Variants in TEX15 observed in about 807,000 individuals in gnomAD.
TEX15 encodes the protein testis-expressed protein 15.
A neutral mutation model predicts 237.3 loss-of-function variants in TEX15; 171 were observed. The ratio of observed to expected loss-of-function variants is 0.72; its 90% confidence interval spans 0.64 to 0.82. The LOEUF is 0.82. Among genes scored for constraint, TEX15 ranks in the 40% least tolerant of loss-of-function variants. The pLI is 0.00. For synonymous variants in TEX15, 1,338 were observed against 1,269.8 expected (o/e 1.05, Z -1.14); for missense variants, 3,750 against 3,646.5 (o/e 1.03, Z -0.73).
chr8:30,853,919 A>T (rs1261332486), intron 7 of TEX15, among the ~76,000 whole-genome samples: 1 of 152,192 alleles, frequency 6.6e-6, no homozygotes, highest in Non-Finnish European at 1.5e-5. Context: ...GAATTAAAGA[A>T]TAAATCAAAA....
chr8:30,835,106 T>TAA (rs1807261858), intron 10 of TEX15, among the ~76,000 whole-genome samples: 1 of 151,944 alleles, frequency 6.6e-6, no homozygotes, highest in Non-Finnish European at 1.5e-5. Context: ...TCCTCTCTAC[T>TAA]AATATATATA....
chr8:30,853,254 G>A (rs951472248), intron 7 of TEX15, among the ~76,000 whole-genome samples: 1 of 152,144 alleles, frequency 6.6e-6, no homozygotes, highest in African/African-American at 2.4e-5. Flanking sequence ...GTCAAGGAAA[G>A]AGAACACTTG....
chr8:30,894,467 AT>A (rs1808855170), intron 2 of TEX15, among the ~76,000 whole-genome samples: 1 of 152,194 alleles, frequency 6.6e-6, no homozygotes, highest in Non-Finnish European at 1.5e-5. Context: ...CACTATTTCC[AT>A]AACTCATATT....
At position 30,887,184 on chromosome 8, in the gene TEX15, CTGATCTTAGGAATGG is replaced by C. The variant is rs1460717144; in HGVS notation, c.104_118del (p.Thr35_Ile39del). ...AATATTACCTTTCTCAGCTGTCCTC[CTGATCTTAGGAATGG>C]TGAATTTCTTCAAAGGATTGACTTC... On this transcript the variant is annotated inframe_deletion, in exon 3 of 11. Transcript: ENST00000643185. The C allele has an allele frequency of 6.5e-7, 1 of 1,534,076 alleles. No individual in the cohort carries two copies. The highest frequency in any genetic ancestry group is 1.4e-5 in the African/African-American group (1 of 72,942).
intron 2 of TEX15, among the ~76,000 whole-genome samples, chr8:30,889,960 T>TATATATATATATACATATATATATAC (rs1808763167): frequency 6.9e-6 from 1 of 144,990 alleles, no homozygotes; most frequent in Admixed American, 6.9e-5. Flanking sequence ...TATACATATA[T>TATATATATATATACATATATATATAC]ATATATATGT....
intron 5 of TEX15, among the ~76,000 whole-genome samples, chr8:30,865,501 A>G (rs570456056): frequency 2.6e-5 from 4 of 152,208 alleles, no homozygotes; most frequent in Admixed American, 2.6e-4. Context: ...AGACAACGAA[A>G]GAAGCTATGG....
At chr8:30,903,486 A>G (rs1310667060) in intron 1 of TEX15, among the ~76,000 whole-genome samples, 1 of 152,228 alleles carries the variant, frequency 6.6e-6, no homozygotes, top group Non-Finnish European at 1.5e-5. Context: ...GAGAAAGGTG[A>G]GAAACAGCTC....
intron 1 of TEX15, among the ~76,000 whole-genome samples, chr8:30,910,049 T>G (rs891910333): frequency 1.3e-5 from 2 of 152,148 alleles, no homozygotes; most frequent in Non-Finnish European, 2.9e-5. Flanking sequence ...ACCAAAGCAG[T>G]ACATTTACCA....
At position 30,845,126 on chromosome 8, in the gene TEX15, C is replaced by T. The variant is rs759444330; in HGVS notation, c.5041G>A (p.Glu1681Lys). The T allele has an allele frequency of 5.0e-6, 8 of 1,613,322 alleles. No individual in the cohort carries two copies. In the East Asian group the frequency reaches 1.3e-4, roughly 27 times the overall value. ...LILSDCKRNL[E>K]VKWTDPIERP... ...TCAATAGGATCTGTCCACTTTACTT[C>T]CAGGTTTCTTTTACAATCAGATAAA... is the stretch of plus-strand genomic sequence containing the variant. Residue 1681 changes from glutamate to lysine, a missense_variant, in exon 8 of 11, where the codon GAA (glutamate) becomes AAA (lysine). Physicochemically the swap from Glu to Lys is moderately conservative, Grantham distance 56. Coordinates refer to ENST00000643185, the MANE Select transcript of TEX15 (RefSeq NM_001350162.2).
intron 7 of TEX15, among the ~76,000 whole-genome samples, chr8:30,852,328 C>T (rs999449437): frequency 2.0e-5 from 3 of 151,782 alleles, no homozygotes; most frequent in Non-Finnish European, 2.9e-5. Flanking sequence ...CTCCTGAAGT[C>T]GTGATCCGCC....
At chr8:30,850,140 A>G (rs1354847013) in intron 7 of TEX15, among the ~76,000 whole-genome samples, 4 of 152,156 alleles carry the variant, frequency 2.6e-5, no homozygotes, top group Admixed American at 1.3e-4. Flanking sequence ...GAAAACCCAA[A>G]AAGTTCCATA....
intron 2 of TEX15, among the ~76,000 whole-genome samples, chr8:30,889,870 T>C (rs572967999): frequency 1.1e-4 from 16 of 148,990 alleles, no homozygotes; most frequent in Non-Finnish European, 2.1e-4. Flanking sequence ...ATGTTACATA[T>C]TACAAATTAT....
At chr8:30,912,179 A>C (rs570701301) in intron 1 of TEX15, among the ~76,000 whole-genome samples, 1 of 152,190 alleles carries the variant, frequency 6.6e-6, no homozygotes, top group South Asian at 2.1e-4. Flanking sequence ...CTGCAGCGAG[A>C]CAGCCGGCGC....
In TEX15 at chr8:30,848,198, C is replaced by A; in HGVS notation, c.1969G>T (p.Asp657Tyr). ...TCTTGGTGCAAAACAATGTAATTATCTATTGGACTGATTTTTGTTTCATTA... is the reference window on the plus strand; with the variant it reads ...TCTTGGTGCAAAACAATGTAATTATATATTGGACTGATTTTTGTTTCATTA... ...FTNETKISPIDNYIVLHQEYK... is the reference protein window; with the variant it reads ...FTNETKISPIYNYIVLHQEYK... Residue 657 changes from aspartate (D) to tyrosine (Y), a missense_variant, in exon 8 of 11, where the codon GAT (aspartate) becomes TAT (tyrosine). Transcript: ENST00000643185. 1 of 1,611,932 alleles carries A rather than the reference C, an allele frequency of 6.2e-7. No individual in the cohort carries two copies. Among genetic ancestry groups the A allele is most frequent in the African/African-American group, 1.3e-5 (1 of 74,936 alleles).
At chr8:30,883,115 T>A (rs1749231807) in intron 3 of TEX15, among the ~76,000 whole-genome samples, 1 of 152,112 alleles carries the variant, frequency 6.6e-6, no homozygotes, top group South Asian at 2.1e-4. Context: ...TTTCTTTCTC[T>A]ATCTTTTTTT....
At chr8:30,911,962 A>G (rs529206527) in intron 1 of TEX15, among the ~76,000 whole-genome samples, 1 of 152,272 alleles carries the variant, frequency 6.6e-6, no homozygotes, top group South Asian at 2.1e-4. Flanking sequence ...GAGCCGAGCC[A>G]GGAAGCCAAG....
Position 30,875,038 on chromosome 8 carries a change from C to G in TEX15, c.201G>C (p.Gln67His). The G allele has an allele frequency of 1.3e-5, 18 of 1,368,520 alleles. No individual in the cohort carries two copies. The highest frequency in any genetic ancestry group is 1.7e-5 in the Non-Finnish European group (18 of 1,058,318). The allele number at this position is 1,368,520 out of a possible 1,614,324, so 84.8% of individuals were successfully genotyped here. ...GATCACAGTTTACATCAAGCCTGCA[C>G]TGGTTAAGAGTATCATGTATAAAAC... is the stretch of plus-strand genomic sequence containing the variant. ...EYSFIHDTLN[Q>H]CRLDVNCDLQ... The change falls in exon 4 of 11, where the codon CAG becomes CAC. Residue 67 changes from glutamine (Q) to histidine (H), a missense_variant. Gln to His is a conservative substitution (Grantham distance 24). Transcript: ENST00000643185.
chr8:30,908,260 A>G (rs1158828590), intron 1 of TEX15, among the ~76,000 whole-genome samples: 2 of 151,922 alleles, frequency 1.3e-5, no homozygotes, highest in African/African-American at 4.8e-5. Context: ...GGGCATTGCT[A>G]TATTGCCAAG....
Position 30,842,291 on chromosome 8 carries a change from A to T in TEX15, c.7876T>A (p.Cys2626Ser), listed in dbSNP as rs183854485. 5 of 1,613,730 alleles carry T rather than the reference A, an allele frequency of 3.1e-6. No homozygotes were observed. Among genetic ancestry groups the T allele is most frequent in the Non-Finnish European group, 3.4e-6 (4 of 1,179,876 alleles). Residue 2626 changes from cysteine (C) to serine (S), a missense_variant, in exon 8 of 11, where the codon TGT (cysteine) becomes AGT (serine). By Grantham distance (112) the Cys-to-Ser change is moderately radical. Coordinates refer to ENST00000643185, the MANE Select transcript of TEX15 (RefSeq NM_001350162.2). ...ATGGTTAGTTCAGCATTTTTAGTAC[A>T]TATCATCTTCATATGTTCAATCGTT... ...MKTIEHMKMI[C>S]TKNAELTISF...
Sources: gnomAD v4.1 joint callset for allele counts (sites outside exome capture counted in the v4.1 genomes callset) on GRCh38, gnomAD v4.1.1 for gene constraint, MANE v1.5 for transcripts, NCBI Gene and HGNC (gene_info 2026-07-23, HGNC 2026-07-21) for gene names.